The following PLAA variants were observed in gnomAD, a reference collection of about 807,000 sequenced individuals.
PLAA encodes the protein phospholipase A2 activating protein.
In PLAA, 48 loss-of-function variants were observed where a neutral mutation model predicts 84.1. The ratio of observed to expected loss-of-function variants is 0.57; its 90% CI spans 0.45 to 0.73. PLAA has a LOEUF of 0.73. Among genes scored for constraint, PLAA ranks in the 30% least tolerant of loss-of-function variants. The pLI is 0.00. For missense variants in PLAA, 903 were observed against 954.7 expected (o/e 0.95, Z 0.71); for synonymous variants, 392 against 336.6 (o/e 1.16, Z -1.80).
chr9:26,943,095 A>G (rs775744871), intron 1 of PLAA, among the ~76,000 whole-genome samples: 8 of 152,158 alleles, frequency 5.3e-5, no homozygotes, highest in Non-Finnish European at 1.0e-4. Context: ...ATAAAGGCAA[A>G]GCTGCTGAAG....
At chr9:26,927,249 T>C (rs377339655) in intron 4 of PLAA, among the ~76,000 whole-genome samples, 16 of 151,272 alleles carry the variant, frequency 1.1e-4, no homozygotes, top group Non-Finnish European at 1.5e-4. Context: ...GCCTCCCGAA[T>C]AGCTGGGATT....
At chr9:26,927,356 CA>C (rs972913679) in intron 4 of PLAA, among the ~76,000 whole-genome samples, 1 of 152,056 alleles carries the variant, frequency 6.6e-6, no homozygotes, top group African/African-American at 2.4e-5. Flanking sequence ...CTCATGGCCC[CA>C]AGTGATCCAC....
At chr9:26,940,005 A>G (rs1026373217) in intron 1 of PLAA, among the ~76,000 whole-genome samples, 12 of 152,210 alleles carry the variant, frequency 7.9e-5, no homozygotes, top group Non-Finnish European at 1.5e-4. Context: ...GTAAGGAAAA[A>G]GAGGACTTAA....
chr9:26,942,609 A>G (rs1189323985), intron 1 of PLAA, among the ~76,000 whole-genome samples: 2 of 143,146 alleles, frequency 1.4e-5, no homozygotes, highest in Non-Finnish European at 3.2e-5. Flanking sequence ...GAGGCCGGGC[A>G]TGGTGGCTCA....
intron 9 of PLAA, among the ~76,000 whole-genome samples, chr9:26,918,915 T>C (rs771397182): frequency 7.1e-6 from 1 of 140,840 alleles, no homozygotes; most frequent in African/African-American, 2.6e-5. Flanking sequence ...ACACATCACA[T>C]ATAAACTAAA....
intron 9 of PLAA, among the ~76,000 whole-genome samples, chr9:26,917,909 A>G (rs573035773): frequency 7.9e-5 from 12 of 152,342 alleles, no homozygotes; most frequent in Admixed American, 7.2e-4. Flanking sequence ...AGACAAAGTC[A>G]GCTGCTTTAA....
intron 10 of PLAA, chr9:26,916,394 C>G (rs1824560643): frequency 2.0e-6 from 2 of 986,906 alleles, no homozygotes; most frequent in Admixed American, 1.2e-4. Flanking sequence ...AAGTCCAACT[C>G]TGGCACTTTT....
At chr9:26,907,498 C>A (rs1164862379) in intron 13 of PLAA, 1 of 214,746 alleles carries the variant, frequency 4.7e-6, no homozygotes, top group Admixed American at 6.3e-5. Flanking sequence ...CGAGATCACG[C>A]CACTGCACTC....
intron 12 of PLAA, among the ~76,000 whole-genome samples, chr9:26,909,616 TC>T (rs1444053674): frequency 1.3e-5 from 2 of 150,382 alleles, no homozygotes; most frequent in Non-Finnish European, 3.0e-5. Context: ...CAGATTAATT[TC>T]TTTTTTTTTT....
chr9:26,928,436 C>T lies in PLAA; in HGVS notation c.344-28G>A, dbSNP rs773350198. On this transcript the variant is annotated intron_variant, in intron 2 of 13. Transcript: ENST00000397292. Reference sequence around the variant, plus strand: ...AAGGAAAAAACATCATTGGATAACACATTTTCATACAGAAAAATGCTCAAC... The same window carrying T: ...AAGGAAAAAACATCATTGGATAACATATTTTCATACAGAAAAATGCTCAAC... 2.2e-5 allele frequency: 31 copies of T among 1,388,144 alleles called. No homozygotes were observed. In the South Asian group the frequency reaches 3.1e-4, roughly 14 times the overall value. The allele number at this position is 1,388,144 out of a possible 1,614,324, so 86.0% of individuals were successfully genotyped here.
At chr9:26,929,831 G>C (rs1289676424) in intron 2 of PLAA, among the ~76,000 whole-genome samples, 1 of 152,114 alleles carries the variant, frequency 6.6e-6, no homozygotes, top group Non-Finnish European at 1.5e-5. Flanking sequence ...GGAGACTTTT[G>C]GATTGTTTGA....
chr9:26,910,136 G>A (rs1037560738), intron 12 of PLAA, among the ~76,000 whole-genome samples: 1 of 151,846 alleles, frequency 6.6e-6, no homozygotes, highest in Non-Finnish European at 1.5e-5. Flanking sequence ...CTTACTTTAT[G>A]TTTGTGTAAG....
In PLAA at chr9:26,935,003, T is replaced by C. The variant is rs374952035; in HGVS notation, c.343+10A>G. The C allele has an allele frequency of 5.9e-5, 92 of 1,555,504 alleles. No individual in the cohort carries two copies. The highest frequency in any genetic ancestry group is 7.4e-5 in the Non-Finnish European group (85 of 1,147,798). ...CAAATAGAAAAACACCAAAGCATTA[T>C]TATACTCACCAGTATTTTTGTGGCC... On this transcript the variant is annotated intron_variant, in intron 2 of 13. Transcript: ENST00000397292.
At chr9:26,936,874 C>A (rs561087899) in intron 1 of PLAA, among the ~76,000 whole-genome samples, 15 of 152,144 alleles carry the variant, frequency 9.9e-5, no homozygotes, top group Non-Finnish European at 2.2e-4. Flanking sequence ...GGCACAGTGG[C>A]TCATGCGTGT....
At chr9:26,945,998 C>T (rs556009879) in intron 1 of PLAA, among the ~76,000 whole-genome samples, 3 of 152,180 alleles carry the variant, frequency 2.0e-5, no homozygotes, top group Admixed American at 1.3e-4. Context: ...AAGAAAGCTC[C>T]AGAAACACTG....
In PLAA at chr9:26,905,568, T is replaced by A. The variant is rs764802054; in HGVS notation, c.2331A>T (p.Ser777=). ...GVDSQIKKYS[S]VSEPAKVSEC... is the part of the protein sequence containing the mutation. ...CACTTACTTTAGCTGGTTCTGATAC[T>A]GAGGAATACTTTTTTATTTGAGAAT... Residue 777 remains serine, a synonymous_variant, in exon 14 of 14, where the codon TCA becomes TCT. Coordinates refer to ENST00000397292, the MANE Select transcript of PLAA (RefSeq NM_001031689.3). The A allele has an allele frequency of 1.9e-6, 3 of 1,613,908 alleles. No homozygotes were observed. The highest frequency in any genetic ancestry group is 2.5e-6 in the Non-Finnish European group (3 of 1,180,000).
At chr9:26,946,799 G>C (rs1314768144) in intron 1 of PLAA, 98 bp downstream of exon 1, 2 of 1,324,622 alleles carry the variant, frequency 1.5e-6, no homozygotes, top group Non-Finnish European at 2.0e-6. Context: ...AGGCTGGGGG[G>C]AGAGAGAGAC....
At chr9:26,929,763 G>C (rs973690365) in intron 2 of PLAA, among the ~76,000 whole-genome samples, 1 of 152,272 alleles carries the variant, frequency 6.6e-6, no homozygotes, top group East Asian at 1.9e-4. Context: ...GGGTATGGTT[G>C]ACAGCTTACT....
chr9:26,923,082 T>G, intron 7 of PLAA, 96 bp downstream of exon 7: 1 of 896,450 alleles, frequency 1.1e-6, no homozygotes, highest in Non-Finnish European at 1.7e-6. Flanking sequence ...CATCTAGCAA[T>G]GAAAAACACA....
Sources: gnomAD v4.1 joint callset for allele counts (sites outside exome capture counted in the v4.1 genomes callset) on GRCh38, gnomAD v4.1.1 for gene constraint, MANE v1.5 for transcripts, NCBI Gene and HGNC (gene_info 2026-07-23, HGNC 2026-07-21) for gene names.